PDE9A: variants seen among roughly 807,000 people sequenced by gnomAD.
PDE9A encodes the protein high affinity cGMP-specific 3',5'-cyclic phosphodiesterase 9A.
A neutral mutation model predicts 87.4 loss-of-function variants in PDE9A; 60 were observed. That is an observed-to-expected ratio of 0.69 (90% CI 0.56 to 0.85). PDE9A has a LOEUF of 0.85. PDE9A is among the 40% of genes least tolerant of loss of function. PDE9A has a pLI of 0.00. For missense variants in PDE9A, 665 were observed against 779.0 expected, an observed-to-expected ratio of 0.85 and a Z score of 1.74; for synonymous variants, 272 against 279.4, an observed-to-expected ratio of 0.97 and a Z score of 0.27.
chr21:42,772,580 G>T, intron 19 of PDE9A, 60 bp downstream of exon 19: 1 of 1,178,382 alleles, frequency 8.5e-7, no homozygotes. Context: ...ACAAAGGACA[G>T]AAGGAAAGAG....
At chr21:42,654,538 C>T (rs1395888920) in intron 1 of PDE9A, among the ~76,000 whole-genome samples, 4 of 152,200 alleles carry the variant, frequency 2.6e-5, no homozygotes, top group Non-Finnish European at 5.9e-5. Context: ...AATGAGCGCG[C>T]CGGCTTGGAA....
Position 42,773,553 on chromosome 21 carries a change from A to G in PDE9A, c.1768+1033A>G, listed in dbSNP as rs534404043. Among the ~76,000 whole-genome samples the G allele has an allele frequency of 1.1e-3, 173 of 152,092 alleles. 4 individuals carry two copies. In the South Asian group the frequency reaches 0.031, roughly 27 times the overall value. ...CCAGGCACGGTGGCTCACGCCTGTA[A>G]TCCAAGCACTTTGGGAGGCCAAGGC... is the stretch of plus-strand genomic sequence containing the variant. On this transcript the variant is annotated intron_variant, in intron 19 of 19. Coordinates refer to ENST00000291539, the MANE Select transcript of PDE9A (RefSeq NM_002606.3).
intron 7 of PDE9A, among the ~76,000 whole-genome samples, chr21:42,736,711 G>T (rs1475307748): frequency 6.6e-6 from 1 of 152,232 alleles, no homozygotes; most frequent in Non-Finnish European, 1.5e-5. Context: ...GGGCTTGGGT[G>T]AGGTCAGGGG....
At chr21:42,658,847 G>T (rs142577188) in intron 1 of PDE9A, among the ~76,000 whole-genome samples, 2 of 152,216 alleles carry the variant, frequency 1.3e-5, no homozygotes, top group Non-Finnish European at 2.9e-5. Flanking sequence ...GCTGAAGGAA[G>T]GGGGTCAGTC....
At chr21:42,708,948 T>TTA (rs969104333) in intron 4 of PDE9A, among the ~76,000 whole-genome samples, 1 of 152,214 alleles carries the variant, frequency 6.6e-6, no homozygotes, top group Non-Finnish European at 1.5e-5. Flanking sequence ...GCAATGACGT[T>TTA]TATATATATA....
chr21:42,671,922 T>G (rs1462284512), intron 1 of PDE9A, among the ~76,000 whole-genome samples: 3 of 152,186 alleles, frequency 2.0e-5, no homozygotes. Flanking sequence ...TTTGGTCTGT[T>G]CTCTCTCCCA....
chr21:42,721,438 T>G (rs2050517100), intron 4 of PDE9A, among the ~76,000 whole-genome samples: 1 of 152,200 alleles, frequency 6.6e-6, no homozygotes, highest in African/African-American at 2.4e-5. Flanking sequence ...GTCCTTTGGC[T>G]GCTGATAGAC....
chr21:42,679,809 G>A (rs2059063657), intron 1 of PDE9A, among the ~76,000 whole-genome samples: 1 of 152,208 alleles, frequency 6.6e-6, no homozygotes, highest in Non-Finnish European at 1.5e-5. Flanking sequence ...TTAACCCAGA[G>A]GCCCTGGGCA....
intron 14 of PDE9A, among the ~76,000 whole-genome samples, 196 bp from the exon 15 acceptor site, chr21:42,765,185 G>A (rs2056275624): frequency 6.6e-6 from 1 of 152,226 alleles, no homozygotes; most frequent in Non-Finnish European, 1.5e-5. Context: ...TGAATGGGTG[G>A]ATGGATGGAT....
intron 3 of PDE9A, among the ~76,000 whole-genome samples, chr21:42,698,241 C>A (rs1478832638): frequency 1.3e-5 from 2 of 152,222 alleles, no homozygotes; most frequent in African/African-American, 4.8e-5. Flanking sequence ...CTTGTAGCAC[C>A]TCTCTTACCA....
chr21:42,745,937 G>T (rs35423232), intron 8 of PDE9A, among the ~76,000 whole-genome samples: 4,307 of 152,360 alleles, frequency 0.028, 90 homozygotes, highest in South Asian at 0.052. Context: ...GCCCCAAGGG[G>T]TGTGTCTGGA....
intron 17 of PDE9A, among the ~76,000 whole-genome samples, chr21:42,769,917 G>T (rs1308026131): frequency 1.3e-5 from 2 of 152,134 alleles, no homozygotes; most frequent in African/African-American, 2.4e-5. Context: ...ACTCTGTGCT[G>T]CACTCCCTGC....
At chr21:42,724,733 G>A (rs567384819) in intron 4 of PDE9A, 1 of 358,682 alleles carries the variant, frequency 2.8e-6, no homozygotes, top group East Asian at 1.6e-4. Context: ...TGCTGGCCTG[G>A]GTGGCGCATT....
chr21:42,731,825 G>A lies in PDE9A; in HGVS notation c.318G>A (p.Leu106=). ...TSRGQSAERP[L]RDRRVVGLEQ... ...GTGGCCAGTCTGCTGAGAGACCACT[G>A]AGGGACAGACGGGTTGTGGGCCTGG... The change falls in exon 5 of 20, where the codon CTG becomes CTA. Residue 106 remains leucine (L), a synonymous_variant. Transcript: ENST00000291539. 6.2e-7 allele frequency: 1 copy of A among 1,614,232 alleles called. No homozygotes were observed. Among genetic ancestry groups the A allele is most frequent in the South Asian group, 1.1e-5 (1 of 91,090 alleles).
chr21:42,760,904 A>G lies in PDE9A; in HGVS notation c.1082A>G (p.Asn361Ser). 6.3e-7 allele frequency: 1 copy of G among 1,595,120 alleles called. No homozygotes were observed. Among genetic ancestry groups the G allele is most frequent in the Non-Finnish European group, 8.6e-7 (1 of 1,162,798 alleles). Residue 361 changes from asparagine (N) to serine (S), a missense_variant, in exon 13 of 20, where the codon AAC becomes AGC. Asn to Ser is a conservative substitution (Grantham distance 46). Coordinates refer to ENST00000291539, the MANE Select transcript of PDE9A (RefSeq NM_002606.3). The surrounding 1 kb of genome is among the most constrained non-coding windows in gnomAD (Gnocchi z 5.2). ...CHDLDHPGYN[N>S]TYQINARTEL... ...GATCTGGACCATCCCGGCTACAACA[A>G]CACGTATGTACAGGATTTTCTCTTT...
chr21:42,737,553 G>GGGTTC (rs2052589564), intron 7 of PDE9A, among the ~76,000 whole-genome samples: 6 of 152,170 alleles, frequency 3.9e-5, no homozygotes, highest in Admixed American at 1.3e-4. Context: ...TCTGCCCCCC[G>GGGTTC]AAGACAGGAC....
chr21:42,676,620 G>A (rs1015990904), intron 1 of PDE9A, among the ~76,000 whole-genome samples: 4 of 152,170 alleles, frequency 2.6e-5, no homozygotes, highest in South Asian at 4.1e-4. Flanking sequence ...TTGCTGAGCC[G>A]TGTTCCATGT....
intron 17 of PDE9A, among the ~76,000 whole-genome samples, chr21:42,770,198 GC>G (rs2056903514): frequency 1.3e-5 from 2 of 151,304 alleles, no homozygotes; most frequent in African/African-American, 4.9e-5. Flanking sequence ...GCTGCCTGTG[GC>G]CCCCTGCCAA....
chr21:42,699,852 C>T (rs567556884), intron 4 of PDE9A, among the ~76,000 whole-genome samples: 24 of 152,340 alleles, frequency 1.6e-4, no homozygotes, highest in African/African-American at 5.5e-4. Context: ...AGCCACAGCA[C>T]CCAGCCTAGA....
Sources: allele counts gnomAD v4.1 joint callset (sites outside exome capture counted in the v4.1 genomes callset), GRCh38; gene constraint gnomAD v4.1.1; non-coding constraint Gnocchi (gnomAD v3.1); transcripts MANE v1.5; gene names NCBI Gene and HGNC (gene_info 2026-07-23, HGNC 2026-07-21).